Variants in MYH10 observed in about 807,000 individuals in gnomAD.
MYH10 encodes myosin heavy chain 10, also known as myosin-10.
Under a neutral mutation model 257.8 loss-of-function variants are expected in MYH10, and 55 were observed. The observed-to-expected ratio is 0.21, with a 90% CI of 0.17 to 0.27. The LOEUF (loss-of-function observed/expected upper bound fraction) is 0.27. Ranked by LOEUF, MYH10 falls within the 10% of genes least tolerant of loss-of-function variation. MYH10 has a pLI of 1.00. For missense variants in MYH10, 1,631 were observed against 2,500.6 expected, an observed-to-expected ratio of 0.65 and a Z score of 7.42; for synonymous variants, 854 against 921.7, an observed-to-expected ratio of 0.93 and a Z score of 1.33.
intron 21 of MYH10, among the ~76,000 whole-genome samples, chr17:8,518,158 G>C (rs1214857712): frequency 7.5e-6 from 1 of 133,830 alleles, no homozygotes; most frequent in Non-Finnish European, 1.6e-5. Context: ...TTTGAGATAG[G>C]GTCTCACTTT....
chr17:8,513,478 C>T (rs2081364356), intron 23 of MYH10, 60 bp downstream of exon 23: 2 of 1,594,570 alleles, frequency 1.3e-6, no homozygotes, highest in East Asian at 2.2e-5. Context: ...GGGTTGCTAC[C>T]AGTGCAAGAT....
At chr17:8,494,851 A>G (rs1477569957) in intron 31 of MYH10, among the ~76,000 whole-genome samples, 1 of 152,234 alleles carries the variant, frequency 6.6e-6, no homozygotes, top group Non-Finnish European at 1.5e-5. Context: ...CAGCAGGACC[A>G]TAGCTTGGGT....
At chr17:8,611,724 A>G (rs1257019484) in intron 2 of MYH10, among the ~76,000 whole-genome samples, 2 of 152,236 alleles carry the variant, frequency 1.3e-5, no homozygotes, top group African/African-American at 4.8e-5. Flanking sequence ...GGGGAAAAAC[A>G]AGGATAAAAA....
In MYH10 at chr17:8,504,775, C is replaced by T. The variant is rs945870278; in HGVS notation, c.3518G>A (p.Arg1173Lys). The change falls in exon 28 of 43, where the codon AGG becomes AAG. Residue 1173 changes from arginine (R) to lysine (K), a missense_variant. Transcript: ENST00000360416. The surrounding 1 kb of genome is among the most constrained non-coding windows in gnomAD (Gnocchi z 5.6). ...AGCTTCCAGTTCCTCACTCAAGTCC[C>T]TTTTCTGCTTTTCGGCCTTGTTCCG... ...ASRNKAEKQK[R>K]DLSEELEALK... 1 of 1,614,230 alleles carries T rather than the reference C, an allele frequency of 6.2e-7. No homozygotes were observed. The highest frequency in any genetic ancestry group is 8.5e-7 in the Non-Finnish European group (1 of 1,180,038).
In MYH10 at chr17:8,490,670, C is replaced by T. The variant is rs575056392; in HGVS notation, c.4672-118G>A. The T allele has an allele frequency of 5.5e-6, 5 of 916,120 alleles. No homozygotes were observed. Among genetic ancestry groups the T allele is most frequent in the Admixed American group, 4.1e-5 (2 of 49,162 alleles). The allele number at this position is 916,120 out of a possible 1,614,324, so 56.7% of individuals were successfully genotyped here. Reference sequence around the variant, plus strand: ...TGCTGGCCACTTTGGTCCCCCTGGGCCGGCCCCCTGCCACATGCATACACA... The same window carrying T: ...TGCTGGCCACTTTGGTCCCCCTGGGTCGGCCCCCTGCCACATGCATACACA... On this transcript the variant is annotated intron_variant, in intron 34 of 42. Transcript: ENST00000360416. The surrounding 1 kb of genome is among the most constrained non-coding windows in gnomAD (Gnocchi z 4.1).
Position 8,490,005 on chromosome 17 carries a change from G to A in MYH10, c.4884+335C>T, listed in dbSNP as rs1393233701. On this transcript the variant is annotated intron_variant, in intron 35 of 42. Coordinates refer to ENST00000360416, the MANE Select transcript of MYH10 (RefSeq NM_001256012.3). The surrounding 1 kb of genome is among the most constrained non-coding windows in gnomAD (Gnocchi z 4.1). Reference sequence around the variant, plus strand: ...AACCACAGACATCTGCCGAATCACCGTGTCTGGGATGCATCAATTCTTTCC... The same window carrying A: ...AACCACAGACATCTGCCGAATCACCATGTCTGGGATGCATCAATTCTTTCC... 6.6e-6 allele frequency among the ~76,000 whole-genome samples: 1 copy of A among 152,078 alleles called. No homozygotes were observed. The highest frequency in any genetic ancestry group is 2.4e-5 in the African/African-American group (1 of 41,392).
At chr17:8,573,513 G>A (rs1018026520) in intron 6 of MYH10, among the ~76,000 whole-genome samples, 1 of 152,196 alleles carries the variant, frequency 6.6e-6, no homozygotes, top group African/African-American at 2.4e-5. Flanking sequence ...ATTTGTAGGG[G>A]ACGGTCAAGT....
intron 7 of MYH10, among the ~76,000 whole-genome samples, chr17:8,563,121 T>A (rs1036158847): frequency 2.0e-5 from 3 of 152,132 alleles, no homozygotes; most frequent in Non-Finnish European, 2.9e-5. Flanking sequence ...ACAGATAGGG[T>A]GCTATGCATG....
rs117411107 is a variant in MYH10 at position 8,615,301 on chromosome 17, C to A, written c.345+7601G>T. ...TCAAAAAAAAAAAGAAACACTGATA[C>A]AAATAAAAATCTGAAAAGTTCTGTA... On this transcript the variant is annotated intron_variant, in intron 2 of 42. Transcript: ENST00000360416. Among the ~76,000 whole-genome samples, 126 of 151,578 alleles carry A rather than the reference C, an allele frequency of 8.3e-4. 2 individuals are homozygous for A. In the East Asian group the frequency reaches 0.021, roughly 25 times the overall value.
At position 8,506,850 on chromosome 17, in the gene MYH10, A is replaced by G. The variant is rs1397382011; in HGVS notation, c.3215-361T>C. On this transcript the variant is annotated intron_variant, in intron 26 of 42. Transcript: ENST00000360416. This position sits in a 1 kb window ranked among gnomAD's most constrained non-coding sequence, Gnocchi z 5.0. ...TGGCTCAGCAGGTGCTGGGGCAGCA[A>G]TCGTAGCTGCCTGTCACCCCATTCC... Among the ~76,000 whole-genome samples, 1 of 152,194 alleles carries G rather than the reference A, an allele frequency of 6.6e-6. No individual in the cohort carries two copies. The highest frequency in any genetic ancestry group is 2.4e-5 in the African/African-American group (1 of 41,450).
chr17:8,618,769 C>A (rs1323091459), intron 2 of MYH10, among the ~76,000 whole-genome samples: 2 of 152,156 alleles, frequency 1.3e-5, no homozygotes, highest in East Asian at 1.9e-4. Flanking sequence ...ATCAAAAAAA[C>A]CCACTTTCAT....
intron 4 of MYH10, among the ~76,000 whole-genome samples, chr17:8,583,409 C>CTT (rs77622480): frequency 2.1e-5 from 3 of 146,264 alleles, no homozygotes; most frequent in African/African-American, 7.5e-5. Flanking sequence ...TAAATAATAC[C>CTT]TTTTTTTTTT....
intron 17 of MYH10, among the ~76,000 whole-genome samples, chr17:8,524,691 TCCC>T (rs774668583): frequency 1.3e-5 from 2 of 152,180 alleles, no homozygotes; most frequent in African/African-American, 4.8e-5. Flanking sequence ...CCTGCACTTC[TCCC>T]CCATTTCATC....
In MYH10 at chr17:8,604,864, T is replaced by G; in HGVS notation, c.464A>C (p.Tyr155Ser). ...KKRHEMPPHI[Y>S]AISESAYRCM... ...TCTGTAAGCAGATTCAGATATAGCA[T>G]AGATGTGTGGAGGCATCTCATGACG... Residue 155 changes from tyrosine (Y) to serine (S), a missense_variant, in exon 3 of 43, where the codon TAT becomes TCT. By Grantham distance (144) the Tyr-to-Ser change is moderately radical. Around this residue, in one of 11 missense-constraint regions of MYH10, gnomAD observed 360 missense variants for 581.9 expected, o/e 0.62. Transcript: ENST00000360416. 5.6e-6 allele frequency: 9 copies of G among 1,603,822 alleles called. No individual in the cohort carries two copies. Among genetic ancestry groups the G allele is most frequent in the Non-Finnish European group, 6.8e-6 (8 of 1,174,646 alleles).
intron 6 of MYH10, among the ~76,000 whole-genome samples, chr17:8,576,083 G>A (rs746356409): frequency 1.3e-5 from 2 of 152,204 alleles, no homozygotes; most frequent in Non-Finnish European, 2.9e-5. Context: ...CTGGGCTCAG[G>A]CCTTCTGTCT....
At chr17:8,533,897 G>T (rs1454569195) in intron 16 of MYH10, among the ~76,000 whole-genome samples, 3 of 152,208 alleles carry the variant, frequency 2.0e-5, no homozygotes, top group Non-Finnish European at 4.4e-5. Context: ...TGTCACAGCT[G>T]AAGTGATTCC....
intron 3 of MYH10, among the ~76,000 whole-genome samples, chr17:8,596,472 C>A (rs1287951457): frequency 6.6e-5 from 10 of 152,152 alleles, no homozygotes; most frequent in African/African-American, 2.4e-4. Context: ...CTTTTTAAAG[C>A]CTTCCTTGAT....
At position 8,623,861 on chromosome 17, in the gene MYH10, A is replaced by T. The variant is rs115240604; in HGVS notation, c.-31-584T>A. On this transcript the variant is annotated intron_variant, in intron 1 of 42. Transcript: ENST00000360416. Reference sequence around the variant, plus strand: ...TGAGGTCTTAATGTGATCAACTGGGACCACAAAAGACAAGCATAACTTGGC... The same window carrying T: ...TGAGGTCTTAATGTGATCAACTGGGTCCACAAAAGACAAGCATAACTTGGC... Among the ~76,000 whole-genome samples, 338 of 152,278 alleles carry T rather than the reference A, an allele frequency of 2.2e-3. 3 individuals carry two copies. The highest frequency in any genetic ancestry group is 7.7e-3 in the African/African-American group (318 of 41,552).
chr17:8,592,484 G>A (rs1451296842), intron 3 of MYH10, among the ~76,000 whole-genome samples: 1 of 151,876 alleles, frequency 6.6e-6, no homozygotes, highest in Admixed American at 6.6e-5. Context: ...AAGAACCCAT[G>A]GATATTGAAA....
Sources: allele counts gnomAD v4.1 joint callset (sites outside exome capture counted in the v4.1 genomes callset), GRCh38; gene constraint gnomAD v4.1.1; regional missense constraint gnomAD v4.1.1; non-coding constraint Gnocchi (gnomAD v3.1); transcripts MANE v1.5; gene names NCBI Gene and HGNC (gene_info 2026-07-23, HGNC 2026-07-21).